AGBL1: variants seen among roughly 807,000 people sequenced by gnomAD.
AGBL1 encodes cytosolic carboxypeptidase 4.
AGBL1 carries 130 observed loss-of-function variants against 118.9 expected under a neutral mutation model. That is an observed-to-expected ratio of 1.09 (90% CI 0.95 to 1.26). AGBL1 has a LOEUF of 1.26. Ranked by LOEUF, AGBL1 falls within the 50% of genes most tolerant of loss-of-function variation. The probability of loss-of-function intolerance (pLI) is 0.00; values close to 1 mark genes in which losing one functional copy is unlikely to be tolerated. For synonymous variants in AGBL1, 555 were observed against 478.9 expected, an observed-to-expected ratio of 1.16 and a Z score of -2.08; for missense variants, 1,584 against 1,298.1, an observed-to-expected ratio of 1.22 and a Z score of -3.38.
chr15:86,697,200 C>T (rs1370930794), intron 22 of AGBL1, among the ~76,000 whole-genome samples: 1 of 151,846 alleles, frequency 6.6e-6, no homozygotes, highest in East Asian at 1.9e-4. Context: ...GTTTTCCAAA[C>T]TTTTAAATTT....
At chr15:86,764,173 T>C (rs1030048613) in intron 22 of AGBL1, among the ~76,000 whole-genome samples, 2 of 152,034 alleles carry the variant, frequency 1.3e-5, no homozygotes, top group South Asian at 2.1e-4. Context: ...CTTGGAACCA[T>C]TGAACCTTAC....
Position 86,461,039 on chromosome 15 carries a change from G to A in AGBL1, c.2556-61771G>A, listed in dbSNP as rs1379212358. ...TTATTTTCTTCTTTGTTTTGGATAT[G>A]AGCTAAGCAAATGCATTCTAGGTCA... On this transcript the variant is annotated intron_variant, in intron 18 of 22. Coordinates refer to ENST00000614907, the MANE Select transcript of AGBL1 (RefSeq NM_001386094.1). 2.0e-5 allele frequency among the ~76,000 whole-genome samples: 3 copies of A among 152,130 alleles called. No individual in the cohort carries two copies. The East Asian group carries it at 5.8e-4, about 29-fold the overall frequency.
intron 22 of AGBL1, among the ~76,000 whole-genome samples, chr15:86,678,988 C>G (rs1275068297): frequency 6.6e-6 from 1 of 151,988 alleles, no homozygotes; most frequent in Non-Finnish European, 1.5e-5. Context: ...AATACTGTAG[C>G]TTTGTAATCT....
chr15:86,972,939 T>C (rs116423399), intron 23 of AGBL1, among the ~76,000 whole-genome samples: 3,182 of 152,150 alleles, frequency 0.021, 127 homozygotes, highest in African/African-American at 0.073. Context: ...CATCTGCTTC[T>C]TTCATTATAA....
At chr15:86,349,314 T>A (rs1462935416) in intron 17 of AGBL1, among the ~76,000 whole-genome samples, 1 of 152,166 alleles carries the variant, frequency 6.6e-6, no homozygotes, top group Admixed American at 6.5e-5. Context: ...CAGTCTACAA[T>A]GCACAAGACA....
chr15:86,830,056 T>C (rs1596528760), intron 22 of AGBL1, among the ~76,000 whole-genome samples: 1 of 152,148 alleles, frequency 6.6e-6, no homozygotes, highest in East Asian at 1.9e-4. Context: ...TAGAATAATT[T>C]TATATGTTTC....
At chr15:86,080,886 G>A (rs1895228193) in intron 1 of AGBL1, among the ~76,000 whole-genome samples, 1 of 146,150 alleles carries the variant, frequency 6.8e-6, no homozygotes, top group Non-Finnish European at 1.5e-5. Context: ...TACCCCAGGA[G>A]TTTAAGCTGG....
intron 22 of AGBL1, among the ~76,000 whole-genome samples, chr15:86,748,589 C>T (rs555084703): frequency 7.9e-6 from 1 of 126,812 alleles, no homozygotes; most frequent in East Asian, 2.5e-4. Flanking sequence ...CTTGCCCATG[C>T]CTATGTCCTG....
At chr15:86,774,730 C>T (rs181495222) in intron 22 of AGBL1, among the ~76,000 whole-genome samples, 92 of 152,066 alleles carry the variant, frequency 6.0e-4, no homozygotes, top group African/African-American at 2.2e-3. Flanking sequence ...GTATGGTGTT[C>T]TGAGAAGTGC....
At chr15:86,431,764 T>TA (rs1159525271) in intron 18 of AGBL1, among the ~76,000 whole-genome samples, 1 of 152,192 alleles carries the variant, frequency 6.6e-6, no homozygotes, top group Non-Finnish European at 1.5e-5. Context: ...AGGACCCTAT[T>TA]ATAGTGCTTA....
At chr15:86,250,523 C>T (rs964680754) in intron 7 of AGBL1, among the ~76,000 whole-genome samples, 4 of 44,536 alleles carry the variant, frequency 9.0e-5, no homozygotes, top group African/African-American at 3.5e-4. Flanking sequence ...AAGACTCTGT[C>T]TCAAAAAAAA....
At chr15:86,119,551 C>G (rs1158016722) in intron 1 of AGBL1, among the ~76,000 whole-genome samples, 8 of 152,154 alleles carry the variant, frequency 5.3e-5, no homozygotes, top group Non-Finnish European at 1.2e-4. Flanking sequence ...CCCCCCCGGA[C>G]CCATCAACTG....
chr15:86,285,612 G>C (rs576495985), intron 16 of AGBL1, among the ~76,000 whole-genome samples: 4 of 152,210 alleles, frequency 2.6e-5, no homozygotes, highest in African/African-American at 7.2e-5. Flanking sequence ...ACTGTGAGTC[G>C]ATTAAACCTC....
intron 18 of AGBL1, among the ~76,000 whole-genome samples, chr15:86,411,067 A>G (rs1460735993): frequency 1.3e-5 from 2 of 150,090 alleles, no homozygotes; most frequent in Non-Finnish European, 3.0e-5. Flanking sequence ...GGAACTGAGT[A>G]GTTCAGCTAA....
intron 17 of AGBL1, among the ~76,000 whole-genome samples, chr15:86,382,928 G>A (rs947493259): frequency 3.9e-5 from 6 of 152,056 alleles, no homozygotes; most frequent in East Asian, 1.9e-4. Flanking sequence ...GCTAAGCTTC[G>A]TGAGAGTAAA....
intron 18 of AGBL1, among the ~76,000 whole-genome samples, chr15:86,472,366 C>G (rs944007204): frequency 6.6e-6 from 1 of 152,142 alleles, no homozygotes; most frequent in African/African-American, 2.4e-5. Context: ...CTAAGATATC[C>G]TCTCCGACAT....
chr15:86,836,428 A>T (rs1481150844), intron 22 of AGBL1, among the ~76,000 whole-genome samples: 1 of 152,152 alleles, frequency 6.6e-6, no homozygotes, highest in Non-Finnish European at 1.5e-5. Context: ...ATTAATTAAC[A>T]CAGTGTAATG....
intron 18 of AGBL1, among the ~76,000 whole-genome samples, chr15:86,401,982 G>A (rs1463020897): frequency 2.6e-5 from 4 of 151,888 alleles, no homozygotes; most frequent in African/African-American, 7.3e-5. Context: ...CTAGTTCTTT[G>A]AAGAATGATG....
chr15:87,028,171 A>G (rs934772950), intron 24 of AGBL1, among the ~76,000 whole-genome samples: 3 of 151,964 alleles, frequency 2.0e-5, no homozygotes, highest in African/African-American at 7.2e-5. Context: ...CCCTTTGCTT[A>G]TTGATCAACC....
Sources: allele counts gnomAD v4.1 joint callset (sites outside exome capture counted in the v4.1 genomes callset), GRCh38; gene constraint gnomAD v4.1.1; transcripts MANE v1.5; gene names NCBI Gene and HGNC (gene_info 2026-07-23, HGNC 2026-07-21).